The following CYFIP2 variants were observed in gnomAD, a reference collection of about 807,000 sequenced individuals.
CYFIP2 encodes the protein cytoplasmic FMR1-interacting protein 2.
A neutral mutation model predicts 158.7 loss-of-function variants in CYFIP2; 29 were observed. The ratio of observed to expected loss-of-function variants is 0.18; its 90% CI spans 0.14 to 0.25. The LOEUF (loss-of-function observed/expected upper bound fraction) is 0.25. Ranked by LOEUF, CYFIP2 falls within the 10% of genes least tolerant of loss-of-function variation. The pLI is 1.00. For missense variants in CYFIP2, 852 were observed against 1,639.5 expected, an observed-to-expected ratio of 0.52 and a Z score of 8.29; for synonymous variants, 585 against 617.6, an observed-to-expected ratio of 0.95 and a Z score of 0.78.
chr5:157,355,312 A>T (rs145374582), intron 23 of CYFIP2, among the ~76,000 whole-genome samples: 2 of 152,216 alleles, frequency 1.3e-5, no homozygotes, highest in East Asian at 3.9e-4. Context: ...CTGCTGGGGG[A>T]AATTCGACCA....
Position 157,390,564 on chromosome 5 carries a change from A to G in CYFIP2, c.3490A>G (p.Ile1164Val), listed in dbSNP as rs556174999. 7.7e-5 allele frequency: 119 copies of G among 1,553,532 alleles called. No individual in the cohort carries two copies. The East Asian group carries it at 2.7e-3, about 36-fold the overall frequency. ...DGLNWAGCSI[I>V]VLLGQQRRFD... ...CTTGAACTGGGCTGGTTGCTCCATC[A>G]TTGTCCTGCTGGGCCAGCAGCGTCG... The change falls in exon 30 of 31, where the codon ATT (isoleucine) becomes GTT (valine). Residue 1164 changes from isoleucine (I) to valine (V), a missense_variant. Coordinates refer to ENST00000620254, the MANE Select transcript of CYFIP2 (RefSeq NM_001037333.3).
chr5:157,325,682 G>A (rs760384572), intron 17 of CYFIP2, 44 bp downstream of exon 17: 7 of 1,536,244 alleles, frequency 4.6e-6, no homozygotes, highest in Middle Eastern at 1.7e-4. Context: ...TGGGGTACAA[G>A]TAGAGGGCAG....
intron 1 of CYFIP2, among the ~76,000 whole-genome samples, chr5:157,279,239 T>G (rs570466930): frequency 7.7e-4 from 118 of 152,310 alleles, no homozygotes; most frequent in African/African-American, 2.5e-3. Context: ...AAACTGAGGC[T>G]CGGAGAGGTT....
intron 3 of CYFIP2, among the ~76,000 whole-genome samples, chr5:157,290,629 A>G (rs544879008): frequency 2.6e-5 from 4 of 152,334 alleles, no homozygotes; most frequent in Admixed American, 2.0e-4. Flanking sequence ...TGGGGGGACC[A>G]TTATTCTGCC....
intron 5 of CYFIP2, 102 bp downstream of exon 5, chr5:157,296,876 G>A: frequency 3.2e-6 from 3 of 926,560 alleles, no homozygotes; most frequent in Non-Finnish European, 4.9e-6. Context: ...TATTCACTAA[G>A]CAAATATTTT....
intron 26 of CYFIP2, among the ~76,000 whole-genome samples, chr5:157,379,410 AC>A (rs1454545665): frequency 8.5e-5 from 13 of 152,120 alleles, no homozygotes; most frequent in African/African-American, 3.1e-4. Context: ...GCCAAAACTC[AC>A]TTAAAAATTG....
intron 22 of CYFIP2, among the ~76,000 whole-genome samples, chr5:157,339,870 G>A (rs1031010493): frequency 6.6e-6 from 1 of 152,218 alleles, no homozygotes; most frequent in Non-Finnish European, 1.5e-5. Flanking sequence ...AAAACTAGTC[G>A]GGTGGGAAAT....
chr5:157,290,057 C>T (rs1280252256), intron 3 of CYFIP2, among the ~76,000 whole-genome samples: 1 of 152,130 alleles, frequency 6.6e-6, no homozygotes, highest in African/African-American at 2.4e-5. Context: ...TAGCAGTCAC[C>T]TGGGACTGCA....
chr5:157,310,082 A>G (rs73815816), intron 10 of CYFIP2, among the ~76,000 whole-genome samples: 237 of 152,300 alleles, frequency 1.6e-3, no homozygotes, highest in African/African-American at 5.4e-3. Flanking sequence ...AGTGACTCGC[A>G]TGTCCTCTCA....
At chr5:157,313,049 A>G (rs915479650) in intron 11 of CYFIP2, among the ~76,000 whole-genome samples, 1 of 152,218 alleles carries the variant, frequency 6.6e-6, no homozygotes, top group Non-Finnish European at 1.5e-5. Flanking sequence ...GGTGTGGTCT[A>G]AGAATGAGTC....
chr5:157,367,959 T>C (rs1006046729), intron 26 of CYFIP2, among the ~76,000 whole-genome samples: 47 of 152,220 alleles, frequency 3.1e-4, no homozygotes, highest in African/African-American at 1.1e-3. Flanking sequence ...GGTTTCACCA[T>C]GTTGGTCAGG....
intron 10 of CYFIP2, among the ~76,000 whole-genome samples, chr5:157,310,441 C>A (rs1450541182): frequency 4.6e-5 from 7 of 152,176 alleles, no homozygotes; most frequent in Non-Finnish European, 7.4e-5. Flanking sequence ...AACCAGCCGT[C>A]CTTTAGTCAA....
At chr5:157,364,947 A>G (rs1172760224) in intron 26 of CYFIP2, 1 of 152,240 alleles carries the variant, frequency 6.6e-6, no homozygotes, top group Non-Finnish European at 1.5e-5. Context: ...CTGATAAAGT[A>G]GTTTTGCACA....
At chr5:157,268,547 T>C (rs969062507) in intron 1 of CYFIP2, among the ~76,000 whole-genome samples, 1 of 152,202 alleles carries the variant, frequency 6.6e-6, no homozygotes, top group African/African-American at 2.4e-5. Context: ...AAAGCGCTCC[T>C]GGAAAACAGT....
intron 20 of CYFIP2, 74 bp from the exon 21 acceptor site, chr5:157,333,253 G>C: frequency 2.5e-6 from 4 of 1,594,636 alleles, no homozygotes; most frequent in Non-Finnish European, 3.4e-6. Flanking sequence ...CAAAGTGCTG[G>C]GATTACAGGC....
intron 1 of CYFIP2, 147 bp from the exon 2 acceptor site, chr5:157,285,192 G>A: frequency 3.3e-6 from 2 of 601,634 alleles, no homozygotes; most frequent in Non-Finnish European, 5.9e-6. Context: ...CACATCGAGA[G>A]CACCTTGGGA....
At chr5:157,367,529 G>A (rs778533706) in intron 26 of CYFIP2, among the ~76,000 whole-genome samples, 4 of 152,128 alleles carry the variant, frequency 2.6e-5, no homozygotes, top group Non-Finnish European at 4.4e-5. Context: ...TAAGGTTAGC[G>A]TATTACAGTA....
Position 157,361,731 on chromosome 5 carries a change from CCAGA to C in CYFIP2, c.3039+140_3039+143del. On this transcript the variant is annotated intron_variant, in intron 26 of 30. Transcript: ENST00000620254. This position sits in a 1 kb window ranked among gnomAD's most constrained non-coding sequence, Gnocchi z 4.4. ...CTCACATGCTCTTTTCAGTTCATTTCCAGACAGACATGGATTCTAGTCCTGGCTC... is the reference window on the plus strand; with the variant it reads ...CTCACATGCTCTTTTCAGTTCATTTCCAGACATGGATTCTAGTCCTGGCTC... The C allele has an allele frequency of 8.7e-7, 1 of 1,153,596 alleles. No individual in the cohort carries two copies. The highest frequency in any genetic ancestry group is 1.2e-6 in the Non-Finnish European group (1 of 827,064). The allele number at this position is 1,153,596 out of a possible 1,614,324, so 71.5% of individuals were successfully genotyped here.
intron 26 of CYFIP2, among the ~76,000 whole-genome samples, chr5:157,373,045 G>T (rs1411198273): frequency 6.6e-6 from 1 of 152,074 alleles, no homozygotes; most frequent in East Asian, 1.9e-4. Context: ...ACAGCAAAGG[G>T]GTCTTCATAC....
Sources: gnomAD v4.1 joint callset for allele counts (sites outside exome capture counted in the v4.1 genomes callset) on GRCh38, gnomAD v4.1.1 for gene constraint, Gnocchi (gnomAD v3.1) non-coding constraint, MANE v1.5 for transcripts, NCBI Gene and HGNC (gene_info 2026-07-23, HGNC 2026-07-21) for gene names.